ST3GAL2: variants seen among roughly 807,000 people sequenced by gnomAD.
The protein encoded by ST3GAL2 is CMP-N-acetylneuraminate-beta-galactosamide-alpha-2,3-sialyltransferase 2.
A neutral mutation model predicts 37.5 loss-of-function variants in ST3GAL2; 16 were observed. That is an observed-to-expected ratio of 0.43 (90% CI 0.29 to 0.65). The LOEUF is 0.65. Ranked by LOEUF, ST3GAL2 falls within the 30% of genes least tolerant of loss-of-function variation. The pLI, the probability that ST3GAL2 is intolerant of heterozygous loss-of-function variation, is 0.17. For synonymous variants in ST3GAL2, 238 were observed against 202.9 expected, an observed-to-expected ratio of 1.17 and a Z score of -1.47; for missense variants, 383 against 487.8, an observed-to-expected ratio of 0.79 and a Z score of 2.02.
chr16:70,430,475 G>C (rs1440715706), intron 1 of ST3GAL2, among the ~76,000 whole-genome samples: 1 of 152,204 alleles, frequency 6.6e-6, no homozygotes, highest in African/African-American at 2.4e-5. Flanking sequence ...CTATTGACCT[G>C]CTTCCCATGC....
Position 70,381,321 on chromosome 16 carries a change from T to C in ST3GAL2, c.*368A>G, listed in dbSNP as rs1208894644. ...ATCCTCCGCCCGAGGCTGACGGAAGTGCTTCGCCGAGGCCCGCGCCATGCT... is the reference window on the plus strand; with the variant it reads ...ATCCTCCGCCCGAGGCTGACGGAAGCGCTTCGCCGAGGCCCGCGCCATGCT... On this transcript the variant is annotated 3_prime_UTR_variant, in exon 7 of 7. Coordinates refer to ENST00000342907, the MANE Select transcript of ST3GAL2 (RefSeq NM_006927.4). 5.0e-6 allele frequency: 1 copy of C among 198,342 alleles called. No homozygotes were observed. Among genetic ancestry groups the C allele is most frequent in the Non-Finnish European group, 1.0e-5 (1 of 95,590 alleles). 12.3% of individuals were successfully genotyped at this position (198,342 alleles called of 1,614,324 possible).
intron 1 of ST3GAL2, among the ~76,000 whole-genome samples, chr16:70,433,102 G>GC (rs1304366072): frequency 6.6e-6 from 1 of 152,154 alleles, no homozygotes; most frequent in East Asian, 1.9e-4. Context: ...CCTCCTGACT[G>GC]CCCCATTTCA....
At chr16:70,427,408 G>A (rs2047759107) in intron 1 of ST3GAL2, among the ~76,000 whole-genome samples, 1 of 148,578 alleles carries the variant, frequency 6.7e-6, no homozygotes, top group South Asian at 2.1e-4. Context: ...GTGCGATCTC[G>A]GCTCACTGCA....
chr16:70,407,961 C>T (rs754627672), intron 1 of ST3GAL2, among the ~76,000 whole-genome samples: 4 of 152,080 alleles, frequency 2.6e-5, no homozygotes, highest in Non-Finnish European at 5.9e-5. Flanking sequence ...ATGGGTGCTG[C>T]TTGCCTCTGG....
chr16:70,405,231 C>T (rs79300981), intron 1 of ST3GAL2, among the ~76,000 whole-genome samples: 1,812 of 152,196 alleles, frequency 0.012, 29 homozygotes, highest in African/African-American at 0.041. Context: ...AACTTGAAAA[C>T]CCTGTGCTAA....
In ST3GAL2 at chr16:70,388,477, G is replaced by T; in HGVS notation, c.603C>A (p.Tyr201Ter). The change falls in exon 4 of 7, where the codon TAC becomes TAA. Residue 201 changes from tyrosine (Y) to a stop codon, truncating the protein, a stop_gained. Transcript: ENST00000342907. LOFTEE classifies it high-confidence loss of function. ...VGSRTTHHFMYPESAKNLPAN... is the reference protein window; with the variant it reads ...VGSRTTHHFM The stretch of plus-strand genomic sequence containing the variant: ...CGGGCAGGTTCTTGGCACTCTCAGG[G>T]TACATGAAATGGTGGGTGGTTCGGC... 1 of 1,613,944 alleles carries T rather than the reference G, an allele frequency of 6.2e-7. No homozygotes were observed. Among genetic ancestry groups the T allele is most frequent in the Non-Finnish European group, 8.5e-7 (1 of 1,179,928 alleles).
At chr16:70,423,812 TG>T (rs1287539584) in intron 1 of ST3GAL2, among the ~76,000 whole-genome samples, 7 of 151,786 alleles carry the variant, frequency 4.6e-5, no homozygotes, top group Middle Eastern at 6.8e-3. Context: ...GGCTCACGCT[TG>T]TAATCCCAGC....
intron 1 of ST3GAL2, among the ~76,000 whole-genome samples, chr16:70,434,935 A>G (rs2047815076): frequency 6.6e-6 from 1 of 152,168 alleles, no homozygotes; most frequent in Non-Finnish European, 1.5e-5. Flanking sequence ...GCAAAGCACA[A>G]TGTAAGTGAT....
chr16:70,379,020 A>G lies in ST3GAL2; in HGVS notation c.*2669T>C, dbSNP rs1458798331. On this transcript the variant is annotated 3_prime_UTR_variant, in exon 7 of 7. Coordinates refer to ENST00000342907, the MANE Select transcript of ST3GAL2 (RefSeq NM_006927.4). ...CTCAATAAATAAATAAATTAAATAA[A>G]TAAAAATGCGGGTTGCCTGTGGCAT... The G allele has an allele frequency of 1.3e-5, 2 of 152,166 alleles. No individual in the cohort carries two copies. The highest frequency in any genetic ancestry group is 6.6e-5 in the Admixed American group (1 of 15,244). 9.4% of individuals were successfully genotyped at this position (152,166 alleles called of 1,614,324 possible).
At chr16:70,387,677 AT>A (rs528278254) in intron 4 of ST3GAL2, among the ~76,000 whole-genome samples, 119 of 152,324 alleles carry the variant, frequency 7.8e-4, no homozygotes, top group African/African-American at 2.8e-3. Flanking sequence ...TATGAATCAT[AT>A]CTTGATAAAG....
intron 1 of ST3GAL2, among the ~76,000 whole-genome samples, chr16:70,404,869 T>G (rs1383966719): frequency 6.6e-6 from 1 of 151,828 alleles, no homozygotes; most frequent in Admixed American, 6.6e-5. Flanking sequence ...CCATCTCTGT[T>G]AAAAATACAA....
Position 70,388,435 on chromosome 16 carries a change from C to A in ST3GAL2, c.645G>T (p.Val215=), listed in dbSNP as rs772876914. The A allele has an allele frequency of 2.3e-5, 37 of 1,614,026 alleles. No homozygotes were observed. In the South Asian group the frequency reaches 4.1e-4, roughly 18 times the overall value. ...GGTCCAGGACCTTGAAGGGCACCAG[C>A]ACGAAGCTGACGTTGGCGGGCAGGT... The part of the protein sequence containing the change: ...AKNLPANVSF[V]LVPFKVLDLL... The change falls in exon 4 of 7, where the codon GTG becomes GTT. Residue 215 remains valine (V), a synonymous_variant. Transcript: ENST00000342907.
At chr16:70,420,095 C>T (rs1339795957) in intron 1 of ST3GAL2, among the ~76,000 whole-genome samples, 4 of 143,390 alleles carry the variant, frequency 2.8e-5, no homozygotes, top group Non-Finnish European at 6.0e-5. Context: ...GGCATGATCT[C>T]GGTTCACTGC....
chr16:70,408,997 G>C (rs2047616649), intron 1 of ST3GAL2, among the ~76,000 whole-genome samples: 1 of 149,222 alleles, frequency 6.7e-6, no homozygotes, highest in African/African-American at 2.5e-5. Flanking sequence ...AGAGGGTGCG[G>C]CAGGGGAGTT....
chr16:70,434,334 G>C (rs11861246), intron 1 of ST3GAL2, among the ~76,000 whole-genome samples: 5,700 of 152,140 alleles, frequency 0.037, 390 homozygotes, highest in African/African-American at 0.13. Flanking sequence ...CTACTCGGGA[G>C]GCTGAGGCAT....
At chr16:70,431,298 T>G (rs2047788160) in intron 1 of ST3GAL2, among the ~76,000 whole-genome samples, 1 of 152,192 alleles carries the variant, frequency 6.6e-6, no homozygotes, top group South Asian at 2.1e-4. Context: ...TTGTTGCCAA[T>G]TTTCTCCCTC....
intron 1 of ST3GAL2, among the ~76,000 whole-genome samples, chr16:70,427,446 C>T (rs1461518412): frequency 6.6e-6 from 1 of 151,138 alleles, no homozygotes; most frequent in Non-Finnish European, 1.5e-5. Flanking sequence ...TCAAGCCATT[C>T]TCCTGCCTCA....
intron 4 of ST3GAL2, among the ~76,000 whole-genome samples, chr16:70,387,915 G>A (rs774793085): frequency 6.6e-6 from 1 of 152,002 alleles, no homozygotes; most frequent in Non-Finnish European, 1.5e-5. Flanking sequence ...AGGAGTTCCA[G>A]ATCAGCCTGA....
At position 70,382,825 on chromosome 16, in the gene ST3GAL2, C is replaced by A. The variant is rs1597553393; in HGVS notation, c.859G>T (p.Ala287Ser). The change falls in exon 6 of 7, where the codon GCC (alanine) becomes TCC (serine). Residue 287 changes from alanine to serine, a missense_variant. Ala to Ser is a moderately conservative substitution (Grantham distance 99, BLOSUM62 1). Coordinates refer to ENST00000342907, the MANE Select transcript of ST3GAL2 (RefSeq NM_006927.4). ...CCCACCTCATCACACACATGCAGGG[C>A]AAAGAAAAGCACCAGCATCCCCGTG... ...PSTGMLVLFF[A>S]LHVCDEVNVY... 6.2e-7 allele frequency: 1 copy of A among 1,614,088 alleles called. No homozygotes were observed. Among genetic ancestry groups the A allele is most frequent in the East Asian group, 2.2e-5 (1 of 44,874 alleles).
Sources: gnomAD v4.1 joint callset for allele counts (sites outside exome capture counted in the v4.1 genomes callset) on GRCh38, gnomAD v4.1.1 for gene constraint, MANE v1.5 for transcripts, NCBI Gene and HGNC (gene_info 2026-07-23, HGNC 2026-07-21) for gene names.